Variants in RPTOR observed in about 807,000 individuals in gnomAD.
RPTOR encodes the protein regulatory-associated protein of mTOR.
A neutral mutation model predicts 169.9 loss-of-function variants in RPTOR; 21 were observed. The ratio of observed to expected loss-of-function variants is 0.12; its 90% CI spans 0.09 to 0.18. RPTOR has a LOEUF of 0.18. Among genes scored for constraint, RPTOR ranks in the 10% least tolerant of loss-of-function variants. RPTOR has a pLI of 1.00. For missense variants in RPTOR, 1,133 were observed against 1,855.9 expected, an observed-to-expected ratio of 0.61 and a Z score of 7.16; for synonymous variants, 732 against 753.2, an observed-to-expected ratio of 0.97 and a Z score of 0.46.
Position 80,721,261 on chromosome 17 carries a change from C to T in RPTOR, c.508-9299C>T, listed in dbSNP as rs927212932. 2.0e-5 allele frequency among the ~76,000 whole-genome samples: 3 copies of T among 151,390 alleles called. No individual in the cohort carries two copies. Among genetic ancestry groups the T allele is most frequent in the South Asian group, 2.1e-4 (1 of 4,826 alleles). Reference sequence around the variant, plus strand: ...CTGGGGTCAGTAGGATGAAAGATGTCGTAGCAGCACAGGCAGCACTGTGGA... The same window carrying T: ...CTGGGGTCAGTAGGATGAAAGATGTTGTAGCAGCACAGGCAGCACTGTGGA... On this transcript the variant is annotated intron_variant, in intron 4 of 33. Transcript: ENST00000306801. The surrounding 1 kb of genome is among the most constrained non-coding windows in gnomAD (Gnocchi z 4.7).
chr17:80,742,621 A>G (rs1260074246), intron 5 of RPTOR, among the ~76,000 whole-genome samples: 1 of 152,042 alleles, frequency 6.6e-6, no homozygotes, highest in African/African-American at 2.4e-5. Flanking sequence ...ACACACATAC[A>G]CACGCACATA....
intron 33 of RPTOR, 53 bp from the exon 34 acceptor site, chr17:80,964,209 C>G (rs1253042649): frequency 7.5e-7 from 1 of 1,325,554 alleles, no homozygotes; most frequent in Non-Finnish European, 1.1e-6. Flanking sequence ...CCCCGCCCCC[C>G]GCAGTGTCTG....
intron 6 of RPTOR, among the ~76,000 whole-genome samples, chr17:80,786,714 G>A (rs552306037): frequency 2.1e-4 from 32 of 152,360 alleles, no homozygotes; most frequent in African/African-American, 7.7e-4. Context: ...CTGAGACTCA[G>A]CTGCCTGTCA....
chr17:80,744,691 C>T (rs145019536), intron 5 of RPTOR, among the ~76,000 whole-genome samples: 2 of 45,078 alleles, frequency 4.4e-5, no homozygotes, highest in Non-Finnish European at 7.9e-5. Flanking sequence ...ACAGCCCTGG[C>T]TACTAGCACT....
chr17:80,853,750 G>A (rs547600029), intron 11 of RPTOR, among the ~76,000 whole-genome samples: 11 of 152,300 alleles, frequency 7.2e-5, no homozygotes, highest in Admixed American at 1.3e-4. Flanking sequence ...AGGCCAAGGC[G>A]GGTGGATCAC....
intron 1 of RPTOR, among the ~76,000 whole-genome samples, chr17:80,565,826 T>C (rs1031151178): frequency 2.0e-5 from 3 of 152,272 alleles, no homozygotes; most frequent in Non-Finnish European, 2.9e-5. Context: ...ACTGAGGCTA[T>C]TTGGAGAGCA....
chr17:80,781,274 A>G (rs1440081007), intron 6 of RPTOR, among the ~76,000 whole-genome samples: 2 of 152,170 alleles, frequency 1.3e-5, no homozygotes, highest in Non-Finnish European at 2.9e-5. Context: ...TTAACTGACA[A>G]GATAACTTAG....
intron 7 of RPTOR, among the ~76,000 whole-genome samples, chr17:80,809,274 C>G (rs1316768616): frequency 6.6e-6 from 1 of 152,182 alleles, no homozygotes; most frequent in Non-Finnish European, 1.5e-5. Context: ...TCACTGCAAC[C>G]TCCGCCTCCC....
intron 20 of RPTOR, among the ~76,000 whole-genome samples, chr17:80,901,819 C>T (rs940079140): frequency 2.0e-5 from 3 of 151,612 alleles, no homozygotes; most frequent in Admixed American, 6.6e-5. Flanking sequence ...CCGCCCCCAG[C>T]GCCCTCCCTG....
chr17:80,853,781 A>G (rs1417558018), intron 11 of RPTOR, among the ~76,000 whole-genome samples: 3 of 152,224 alleles, frequency 2.0e-5, no homozygotes, highest in Non-Finnish European at 4.4e-5. Context: ...GATCAAGACC[A>G]TCCTGCCTAA....
At chr17:80,855,200 T>C (rs532802154) in intron 11 of RPTOR, among the ~76,000 whole-genome samples, 3 of 152,396 alleles carry the variant, frequency 2.0e-5, no homozygotes, top group African/African-American at 7.2e-5. Flanking sequence ...GTTAGCTTTT[T>C]AAATGCAATT....
chr17:80,684,894 A>T (rs2065925204), intron 3 of RPTOR, among the ~76,000 whole-genome samples: 1 of 152,198 alleles, frequency 6.6e-6, no homozygotes, highest in South Asian at 2.1e-4. Context: ...TGAGAGCTGT[A>T]TGGCACTTCA....
intron 6 of RPTOR, among the ~76,000 whole-genome samples, chr17:80,781,226 G>A (rs2143455943): frequency 6.6e-6 from 1 of 152,322 alleles, no homozygotes; most frequent in East Asian, 1.9e-4. Context: ...GGCAGATGGA[G>A]GACTGTGCAT....
chr17:80,620,494 G>A (rs57313702), intron 1 of RPTOR, among the ~76,000 whole-genome samples: 3,829 of 152,316 alleles, frequency 0.025, 170 homozygotes, highest in African/African-American at 0.087. Context: ...GCCAGGTGTG[G>A]TGGCTCACAC....
chr17:80,793,611 G>C (rs1296126656), intron 7 of RPTOR, among the ~76,000 whole-genome samples: 1 of 152,144 alleles, frequency 6.6e-6, no homozygotes, highest in African/African-American at 2.4e-5. Flanking sequence ...GCTGTGTGCT[G>C]TCCCATCCCC....
At chr17:80,812,782 C>CT (rs1349641231) in intron 7 of RPTOR, among the ~76,000 whole-genome samples, 2 of 152,282 alleles carry the variant, frequency 1.3e-5, no homozygotes, top group Non-Finnish European at 2.9e-5. Flanking sequence ...ATCACCTCAT[C>CT]TGCCGTTACC....
At chr17:80,612,335 T>G (rs1304642376) in intron 1 of RPTOR, among the ~76,000 whole-genome samples, 1 of 152,212 alleles carries the variant, frequency 6.6e-6, no homozygotes, top group South Asian at 2.1e-4. Context: ...CTTGCTGTGT[T>G]GCCCAGGCTG....
Position 80,823,678 on chromosome 17 carries a change from C to A in RPTOR, c.1136+455C>A, listed in dbSNP as rs964992611. ...ACACACACACACACACACACACACACAACGCTCATAAGTGTAATCCTTTAT... is the reference window on the plus strand; with the variant it reads ...ACACACACACACACACACACACACAAAACGCTCATAAGTGTAATCCTTTAT... On this transcript the variant is annotated intron_variant, in intron 9 of 33. Transcript: ENST00000306801. This position sits in a 1 kb window ranked among gnomAD's most constrained non-coding sequence, Gnocchi z 4.5. The A allele has an allele frequency of 4.0e-5, 6 of 150,806 alleles. No homozygotes were observed. Among genetic ancestry groups the A allele is most frequent in the Non-Finnish European group, 5.8e-5 (4 of 68,828 alleles). The allele number at this position is 150,806 out of a possible 1,614,324, so 9.3% of individuals were successfully genotyped here.
At chr17:80,743,713 T>TCCTGGTTACTAGCACAGC (rs2066510251) in intron 5 of RPTOR, among the ~76,000 whole-genome samples, 7 of 68,602 alleles carry the variant, frequency 1.0e-4, no homozygotes, top group African/African-American at 2.3e-4. Flanking sequence ...ACTAGCACTG[T>TCCTGGTTACTAGCACAGC]CCTGGCTACG....
Sources: allele counts gnomAD v4.1 joint callset (sites outside exome capture counted in the v4.1 genomes callset), GRCh38; gene constraint gnomAD v4.1.1; non-coding constraint Gnocchi (gnomAD v3.1); transcripts MANE v1.5; gene names NCBI Gene and HGNC (gene_info 2026-07-23, HGNC 2026-07-21).